Variants in AKAP6 observed in about 807,000 individuals in gnomAD.
AKAP6 encodes A-kinase anchor protein 6.
In AKAP6, 58 loss-of-function variants were observed where a neutral mutation model predicts 188.5. The ratio of observed to expected loss-of-function variants is 0.31; its 90% CI spans 0.25 to 0.38. The LOEUF (loss-of-function observed/expected upper bound fraction) is 0.38, where lower values mean the gene tolerates loss of function less well. Among genes scored for constraint, AKAP6 ranks in the 10% least tolerant of loss-of-function variants. The pLI, the probability that AKAP6 is intolerant of heterozygous loss-of-function variation, is 1.00. For missense variants in AKAP6, 2,710 were observed against 2,740.0 expected, an observed-to-expected ratio of 0.99 and a Z score of 0.24; for synonymous variants, 989 against 998.6, an observed-to-expected ratio of 0.99 and a Z score of 0.18.
At chr14:32,333,184 G>A (rs1886585794) in intron 1 of AKAP6, among the ~76,000 whole-genome samples, 1 of 152,144 alleles carries the variant, frequency 6.6e-6, no homozygotes, top group African/African-American at 2.4e-5. Context: ...TGATCAGAAA[G>A]CATCAAAGCT....
chr14:32,479,833 C>T (rs1879249038), intron 2 of AKAP6, among the ~76,000 whole-genome samples: 1 of 152,188 alleles, frequency 6.6e-6, no homozygotes, highest in Admixed American at 6.5e-5. Flanking sequence ...CACACTGAAT[C>T]TACTGGCACC....
intron 1 of AKAP6, among the ~76,000 whole-genome samples, chr14:32,429,560 A>G (rs1890148418): frequency 6.6e-6 from 1 of 152,244 alleles, no homozygotes; most frequent in Non-Finnish European, 1.5e-5. Flanking sequence ...TGTTTGTAGT[A>G]ATTGCTTTTC....
At chr14:32,370,750 T>A (rs898082830) in intron 1 of AKAP6, among the ~76,000 whole-genome samples, 1 of 152,148 alleles carries the variant, frequency 6.6e-6, no homozygotes, top group Non-Finnish European at 1.5e-5. Flanking sequence ...TGGAAAAAAA[T>A]GAGAAAATGA....
intron 2 of AKAP6, among the ~76,000 whole-genome samples, chr14:32,479,098 C>A (rs915458362): frequency 6.6e-6 from 1 of 152,094 alleles, no homozygotes; most frequent in East Asian, 1.9e-4. Context: ...AAGTAGACAT[C>A]GACTCACTTT....
intron 1 of AKAP6, among the ~76,000 whole-genome samples, chr14:32,404,018 G>A (rs951898755): frequency 6.6e-6 from 1 of 151,982 alleles, no homozygotes; most frequent in African/African-American, 2.4e-5. Context: ...ACGCTCTGAG[G>A]GTATTTAAGT....
chr14:32,663,906 A>G (rs1888810642), intron 7 of AKAP6, among the ~76,000 whole-genome samples: 1 of 152,112 alleles, frequency 6.6e-6, no homozygotes, highest in Non-Finnish European at 1.5e-5. Flanking sequence ...GAAATAGTAT[A>G]ATAAATGGAG....
chr14:32,740,012 T>C lies in AKAP6; in HGVS notation c.3372+4130T>C, dbSNP rs116414991. 4.6e-3 allele frequency among the ~76,000 whole-genome samples: 696 copies of C among 152,270 alleles called. 10 individuals are homozygous for C. The highest frequency in any genetic ancestry group is 0.016 in the African/African-American group (662 of 41,572). On this transcript the variant is annotated intron_variant, in intron 11 of 13. Coordinates refer to ENST00000280979, the MANE Select transcript of AKAP6 (RefSeq NM_004274.5). ...ACCAACAGTGAACAAAAGTTCCCTT[T>C]TCTCCACATCCTCGCCAGCATTTGT...
At chr14:32,793,513 C>T (rs1236753627) in intron 12 of AKAP6, among the ~76,000 whole-genome samples, 1 of 151,930 alleles carries the variant, frequency 6.6e-6, no homozygotes, top group Non-Finnish European at 1.5e-5. Context: ...CAGAAGCACA[C>T]AAACTCATAC....
chr14:32,576,308 A>G (rs1337759628), intron 4 of AKAP6, among the ~76,000 whole-genome samples: 2 of 152,074 alleles, frequency 1.3e-5, no homozygotes, highest in African/African-American at 4.8e-5. Flanking sequence ...CAGACACGGA[A>G]AGCAGGAGCC....
At chr14:32,413,686 T>A (rs776231398) in intron 1 of AKAP6, among the ~76,000 whole-genome samples, 8 of 152,194 alleles carry the variant, frequency 5.3e-5, no homozygotes, top group Non-Finnish European at 1.0e-4. Flanking sequence ...TCTTTGAGCA[T>A]TTCTTCATTG....
chr14:32,777,862 A>T (rs2033115979), intron 12 of AKAP6, among the ~76,000 whole-genome samples: 1 of 152,122 alleles, frequency 6.6e-6, no homozygotes, highest in African/African-American at 2.4e-5. Context: ...ACATAGCAAG[A>T]CCTCATTTCT....
At chr14:32,494,945 T>C (rs1880232153) in intron 2 of AKAP6, 1 of 152,162 alleles carries the variant, frequency 6.6e-6, no homozygotes, top group South Asian at 2.1e-4. Flanking sequence ...AGCTTTCTAT[T>C]GTAACCAAGC....
At chr14:32,574,397 T>G (rs1034797490) in intron 4 of AKAP6, among the ~76,000 whole-genome samples, 2 of 152,146 alleles carry the variant, frequency 1.3e-5, no homozygotes, top group African/African-American at 2.4e-5. Flanking sequence ...CCAGGACCAA[T>G]GGGTTTTGTC....
chr14:32,367,301 T>A (rs765030707), intron 1 of AKAP6, among the ~76,000 whole-genome samples: 1 of 152,224 alleles, frequency 6.6e-6, no homozygotes, highest in Non-Finnish European at 1.5e-5. Context: ...TCTACATCAG[T>A]GACTGAAAGC....
chr14:32,377,221 T>A (rs1888185157), intron 1 of AKAP6, among the ~76,000 whole-genome samples: 1 of 152,186 alleles, frequency 6.6e-6, no homozygotes, highest in Non-Finnish European at 1.5e-5. Flanking sequence ...TTTGAACCTT[T>A]CTTACTGGTT....
intron 2 of AKAP6, 76 bp downstream of exon 2, chr14:32,433,893 T>C (rs1890299440): frequency 1.4e-6 from 2 of 1,397,330 alleles, no homozygotes; most frequent in South Asian, 1.3e-5. Context: ...TGTTCTGTAA[T>C]TTCCAGTGAG....
At chr14:32,740,867 C>T (rs751917280) in intron 11 of AKAP6, among the ~76,000 whole-genome samples, 3 of 151,860 alleles carry the variant, frequency 2.0e-5, no homozygotes, top group Non-Finnish European at 4.4e-5. Flanking sequence ...GTTCCATATA[C>T]ATTTTAAAAT....
chr14:32,488,013 C>A (rs1394540500), intron 2 of AKAP6, among the ~76,000 whole-genome samples: 2 of 152,172 alleles, frequency 1.3e-5, no homozygotes, highest in Non-Finnish European at 2.9e-5. Context: ...GGTCAGGGAC[C>A]CACTTGAGGA....
chr14:32,594,285 G>A (rs1341270415), intron 5 of AKAP6, among the ~76,000 whole-genome samples: 1 of 152,086 alleles, frequency 6.6e-6, no homozygotes, highest in Non-Finnish European at 1.5e-5. Flanking sequence ...TTAACATTTT[G>A]TTGTATTTTT....
Sources: gnomAD v4.1 joint callset for allele counts (sites outside exome capture counted in the v4.1 genomes callset) on GRCh38, gnomAD v4.1.1 for gene constraint, MANE v1.5 for transcripts, NCBI Gene and HGNC (gene_info 2026-07-23, HGNC 2026-07-21) for gene names.